Variants in DGKI observed in about 807,000 individuals in gnomAD.
DGKI encodes diacylglycerol kinase iota.
Under a neutral mutation model 147.5 loss-of-function variants are expected in DGKI, and 55 were observed. That is an observed-to-expected ratio of 0.37 (90% CI 0.30 to 0.47). The LOEUF (loss-of-function observed/expected upper bound fraction) is 0.47, where lower values mean the gene tolerates loss of function less well. DGKI is among the 20% of genes least tolerant of loss of function. DGKI has a pLI of 1.00. For missense variants in DGKI, 1,007 were observed against 1,323.8 expected, an observed-to-expected ratio of 0.76 and a Z score of 3.71; for synonymous variants, 469 against 477.1, an observed-to-expected ratio of 0.98 and a Z score of 0.22.
intron 1 of DGKI, among the ~76,000 whole-genome samples, chr7:137,716,617 G>A (rs1794384800): frequency 6.6e-6 from 1 of 152,212 alleles, no homozygotes; most frequent in African/African-American, 2.4e-5. Flanking sequence ...CATGCAGGGT[G>A]TGTTGAAAGA....
At chr7:137,508,674 A>G (rs1319324266) in intron 21 of DGKI, among the ~76,000 whole-genome samples, 1 of 152,098 alleles carries the variant, frequency 6.6e-6, no homozygotes, top group African/African-American at 2.4e-5. Context: ...CAACCCAGGA[A>G]TGTCTTTCTC....
At chr7:137,476,012 G>A (rs1302859786) in intron 23 of DGKI, among the ~76,000 whole-genome samples, 1 of 152,146 alleles carries the variant, frequency 6.6e-6, no homozygotes, top group East Asian at 1.9e-4. Context: ...TCTCAAATTT[G>A]GGGCTAAAAA....
chr7:137,631,834 A>G (rs568410662), intron 6 of DGKI, among the ~76,000 whole-genome samples: 2 of 152,332 alleles, frequency 1.3e-5, no homozygotes, highest in African/African-American at 2.4e-5. Flanking sequence ...TAAAGCTGCT[A>G]TATTAGGTAC....
rs560383493 is a variant in DGKI at position 137,581,268 on chromosome 7, A to G, written c.1642+582T>C. On this transcript the variant is annotated intron_variant, in intron 15 of 32. Transcript: ENST00000614521. ...TACATGGTCTCATTCACACCTCTGTATCATCCAGTGGGGATCCCTAGTACC... is the reference window on the plus strand; with the variant it reads ...TACATGGTCTCATTCACACCTCTGTGTCATCCAGTGGGGATCCCTAGTACC... Among the ~76,000 whole-genome samples the G allele has an allele frequency of 8.5e-5, 13 of 152,240 alleles. No individual in the cohort carries two copies. The South Asian group carries it at 2.7e-3, about 32-fold the overall frequency.
chr7:137,428,478 T>C (rs1277020104), intron 28 of DGKI, among the ~76,000 whole-genome samples: 12 of 152,176 alleles, frequency 7.9e-5, no homozygotes, highest in Admixed American at 6.5e-4. Flanking sequence ...AGCATTCCCT[T>C]TGAAAACTGG....
chr7:137,525,678 A>C (rs1817119348), intron 20 of DGKI, among the ~76,000 whole-genome samples: 1 of 152,196 alleles, frequency 6.6e-6, no homozygotes, highest in Non-Finnish European at 1.5e-5. Context: ...GAGCCAATAC[A>C]TGTGATATGC....
intron 3 of DGKI, among the ~76,000 whole-genome samples, chr7:137,677,952 G>T (rs1431490040): frequency 6.6e-6 from 1 of 152,110 alleles, no homozygotes; most frequent in Non-Finnish European, 1.5e-5. Context: ...AACATAAAGA[G>T]AATTTTAACC....
chr7:137,823,031 TG>T (rs1393007669), intron 1 of DGKI, among the ~76,000 whole-genome samples: 2 of 150,652 alleles, frequency 1.3e-5, no homozygotes, highest in African/African-American at 4.9e-5. Flanking sequence ...ACTGGTAAAT[TG>T]GGGAGGAGGA....
rs1798751971 is a variant in DGKI at position 137,846,760 on chromosome 7, C to T, written c.103G>A (p.Gly35Ser). Residue 35 changes from glycine to serine, a missense_variant, in exon 1 of 33, where the codon GGC (glycine) becomes AGC (serine). Physicochemically the swap from Gly to Ser is moderately conservative, Grantham distance 56 (BLOSUM62 0). This residue lies in a region of DGKI where 137 missense variants were observed against 114.4 expected (regional missense o/e 1.20). Transcript: ENST00000614521. The surrounding 1 kb of genome is among the most constrained non-coding windows in gnomAD (Gnocchi z 4.0). The part of the protein sequence containing the change: ...AAAAAAASPP[G>S]PCSGAACAPS... ...GCGCAGGCGGCGCCGCTGCAGGGGC[C>T]GGGCGGGCTGGCGGCGGCGGCGGCG... 8.7e-6 allele frequency: 9 copies of T among 1,029,980 alleles called. No individual in the cohort carries two copies. Among genetic ancestry groups the T allele is most frequent in the Non-Finnish European group, 9.3e-6 (8 of 861,250 alleles). The allele number at this position is 1,029,980 out of a possible 1,614,324, so 63.8% of individuals were successfully genotyped here. A position where few individuals can be genotyped will look rare whatever the true frequency, so the allele number is the denominator to read the frequency against.
chr7:137,424,718 G>T lies in DGKI; in HGVS notation c.2762-12511C>A, dbSNP rs527536064. Among the ~76,000 whole-genome samples, 411 of 152,238 alleles carry T rather than the reference G, an allele frequency of 2.7e-3. 2 individuals are homozygous for T. Among genetic ancestry groups the T allele is most frequent in the Non-Finnish European group, 5.0e-3 (337 of 68,022 alleles). On this transcript the variant is annotated intron_variant, in intron 28 of 32. Coordinates refer to ENST00000614521, the MANE Select transcript of DGKI (RefSeq NM_001321708.2). ...TGCTTTTCCAACGGGCTTAAAAAAC[G>T]GCACACCAGGAGATTATATCTCGCA...
At position 137,755,021 on chromosome 7, in the gene DGKI, T is replaced by C. The variant is rs986546785; in HGVS notation, c.402-65019A>G. The stretch of plus-strand genomic sequence containing the variant: ...TCTCTGTATGTTTTAGGAACTTTAT[T>C]CTTTATTTTGCTCTCAGGGGCATAT... On this transcript the variant is annotated intron_variant, in intron 1 of 32. Coordinates refer to ENST00000614521, the MANE Select transcript of DGKI (RefSeq NM_001321708.2). Among the ~76,000 whole-genome samples, 11 of 152,238 alleles carry C rather than the reference T, an allele frequency of 7.2e-5. 1 individual carries two copies. Among genetic ancestry groups the C allele is most frequent in the African/African-American group, 2.7e-4 (11 of 41,462 alleles).
At chr7:137,673,072 G>A (rs1041523278) in intron 3 of DGKI, among the ~76,000 whole-genome samples, 7 of 151,282 alleles carry the variant, frequency 4.6e-5, no homozygotes, top group South Asian at 2.1e-4. Context: ...ATGAGCCACC[G>A]CGCCCAGCGT....
At chr7:137,484,435 G>A (rs1192322132) in intron 23 of DGKI, among the ~76,000 whole-genome samples, 1 of 152,032 alleles carries the variant, frequency 6.6e-6, no homozygotes, top group African/African-American at 2.4e-5. Context: ...GAAGTATGAA[G>A]GGTTTGAAGA....
intron 19 of DGKI, among the ~76,000 whole-genome samples, chr7:137,556,794 T>G (rs1818238716): frequency 6.6e-6 from 1 of 152,242 alleles, no homozygotes; most frequent in Non-Finnish European, 1.5e-5. Context: ...ATAGAAATAC[T>G]ATTTTAAGGA....
At chr7:137,747,539 G>A (rs190821800) in intron 1 of DGKI, among the ~76,000 whole-genome samples, 1 of 152,138 alleles carries the variant, frequency 6.6e-6, no homozygotes, top group East Asian at 1.9e-4. Flanking sequence ...AATCCTCTAG[G>A]GGGTATGTAA....
intron 17 of DGKI, among the ~76,000 whole-genome samples, chr7:137,574,414 G>C (rs985771211): frequency 6.6e-6 from 1 of 152,098 alleles, no homozygotes; most frequent in Non-Finnish European, 1.5e-5. Context: ...CATGTTATAA[G>C]CAACTAAAAC....
intron 31 of DGKI, among the ~76,000 whole-genome samples, chr7:137,396,661 A>G (rs979354343): frequency 6.6e-6 from 1 of 152,014 alleles, no homozygotes; most frequent in African/African-American, 2.4e-5. Flanking sequence ...CCTCCTTCCC[A>G]CATGCTTAGC....
intron 27 of DGKI, among the ~76,000 whole-genome samples, chr7:137,456,006 G>T (rs893213081): frequency 1.4e-4 from 21 of 152,266 alleles, no homozygotes; most frequent in African/African-American, 4.8e-4. Context: ...GAGAAAACAA[G>T]AGTGTTGGTG....
chr7:137,680,793 A>G (rs558972338), intron 2 of DGKI, among the ~76,000 whole-genome samples: 3 of 150,030 alleles, frequency 2.0e-5, no homozygotes, highest in East Asian at 2.0e-4. Flanking sequence ...AAGAAAAGAG[A>G]AAAAAAAAAG....
Sources: gnomAD v4.1 joint callset for allele counts (sites outside exome capture counted in the v4.1 genomes callset) on GRCh38, gnomAD v4.1.1 for gene constraint, gnomAD v4.1.1 regional missense constraint, Gnocchi (gnomAD v3.1) non-coding constraint, MANE v1.5 for transcripts, NCBI Gene and HGNC (gene_info 2026-07-23, HGNC 2026-07-21) for gene names.